Variants in SPATA6L observed in about 807,000 individuals in gnomAD.
SPATA6L encodes the protein spermatogenesis associated 6-like protein.
A neutral mutation model predicts 49.2 loss-of-function variants in SPATA6L; 68 were observed. The ratio of observed to expected loss-of-function variants is 1.38; its 90% CI spans 1.14 to 1.69. SPATA6L has a LOEUF of 1.69. Ranked by LOEUF, SPATA6L falls within the 40% of genes most tolerant of loss-of-function variation. The pLI, the probability that SPATA6L is intolerant of heterozygous loss-of-function variation, is 0.00. For synonymous variants in SPATA6L, 198 were observed against 165.7 expected (o/e 1.19, Z -1.50); for missense variants, 668 against 464.3 (o/e 1.44, Z -4.03).
intron 9 of SPATA6L, among the ~76,000 whole-genome samples, chr9:4,611,092 A>G (rs1041856236): frequency 2.0e-5 from 3 of 149,708 alleles, no homozygotes; most frequent in Non-Finnish European, 4.4e-5. Flanking sequence ...TCAAAACCAC[A>G]TTGAGATACC....
At chr9:4,606,370 A>ACTGGCCGGGCGCGGTGGCTCACGCCT (rs1825046404) in intron 9 of SPATA6L, among the ~76,000 whole-genome samples, 1 of 132,428 alleles carries the variant, frequency 7.6e-6, no homozygotes, top group African/African-American at 3.1e-5. Flanking sequence ...AAAAGACAGC[A>ACTGGCCGGGCGCGGTGGCTCACGCCT]GTAACCTCTG....
intron 13 of SPATA6L, among the ~76,000 whole-genome samples, chr9:4,592,641 G>T (rs545210722): frequency 3.3e-4 from 50 of 152,196 alleles, no homozygotes; most frequent in Non-Finnish European, 6.3e-4. Context: ...CAAGTCTGGG[G>T]TGATCTAAAA....
At chr9:4,653,378 G>T (rs543083911) in intron 3 of SPATA6L, among the ~76,000 whole-genome samples, 2 of 152,324 alleles carry the variant, frequency 1.3e-5, no homozygotes, top group Admixed American at 1.3e-4. Context: ...TCATCTAGAT[G>T]TAAGAGCCAA....
At chr9:4,655,971 CAG>C (rs1838064163) in intron 3 of SPATA6L, 68 bp downstream of exon 3, 1 of 1,168,656 alleles carries the variant, frequency 8.6e-7, no homozygotes, top group African/African-American at 1.5e-5. Context: ...TAGAAAAGAG[CAG>C]AGTTTTGAAT....
In SPATA6L at chr9:4,632,668, A is replaced by C. The variant is rs539962565; in HGVS notation, c.351+2607T>G. On this transcript the variant is annotated intron_variant, in intron 4 of 11. Coordinates refer to ENST00000682582, the MANE Select transcript of SPATA6L (RefSeq NM_001353486.2). ...TTTGAGGATTTGCAATGTGTCTAGC[A>C]CCTAGATTACAGCCAGGGACATTGG... 1.1e-4 allele frequency among the ~76,000 whole-genome samples: 16 copies of C among 152,242 alleles called. No individual in the cohort carries two copies. The East Asian group carries it at 3.1e-3, about 29-fold the overall frequency.
At chr9:4,605,869 CG>C (rs758048827) in intron 9 of SPATA6L, among the ~76,000 whole-genome samples, 97 of 152,302 alleles carry the variant, frequency 6.4e-4, no homozygotes, top group Admixed American at 2.2e-3. Context: ...ACGCAGAGGA[CG>C]GGTGATTTCT....
intron 13 of SPATA6L, among the ~76,000 whole-genome samples, chr9:4,592,314 C>A (rs1041102399): frequency 3.4e-3 from 387 of 113,942 alleles, no homozygotes; most frequent in East Asian, 7.5e-3. Context: ...GACTCCATCT[C>A]AAAAAAAAAA....
rs1830183786 is a variant in SPATA6L, at chr9:4,625,539, A to G, written c.457T>C (p.Leu153=). ...LEERHESRRP[L]STSHEPIFPL... is the part of the protein sequence containing the mutation. ...AATATTGGTTCATGTGATGTAGATAAAGGCCTCCGTGACTCATGTCTTTCT... is the reference window on the plus strand; with the variant it reads ...AATATTGGTTCATGTGATGTAGATAGAGGCCTCCGTGACTCATGTCTTTCT... The change falls in exon 6 of 12, where the codon TTA becomes CTA. Residue 153 remains leucine, a synonymous_variant. Coordinates refer to ENST00000682582, the MANE Select transcript of SPATA6L (RefSeq NM_001353486.2). 6.3e-7 allele frequency: 1 copy of G among 1,595,284 alleles called. No homozygotes were observed. Among genetic ancestry groups the G allele is most frequent in the African/African-American group, 1.3e-5 (1 of 74,320 alleles).
intron 4 of SPATA6L, chr9:4,633,795 C>A (rs1178321114): frequency 6.6e-6 from 1 of 152,204 alleles, no homozygotes; most frequent in African/African-American, 2.4e-5. Context: ...CAAATAAGAT[C>A]AGATCCCACC....
chr9:4,646,580 T>C lies in SPATA6L; in HGVS notation c.226+9461A>G, dbSNP rs1030285689. ...TACTTCCAAAAATTGCCACAGTCTTTCAATAATTATTAAGTTTTAAACTGT... is the reference window on the plus strand; with the variant it reads ...TACTTCCAAAAATTGCCACAGTCTTCCAATAATTATTAAGTTTTAAACTGT... On this transcript the variant is annotated intron_variant, in intron 3 of 11. Coordinates refer to ENST00000682582, the MANE Select transcript of SPATA6L (RefSeq NM_001353486.2). 4 of 1,115,100 alleles carry C rather than the reference T, an allele frequency of 3.6e-6. No homozygotes were observed. In the African/African-American group the frequency reaches 6.4e-5, roughly 18 times the overall value. The allele number at this position is 1,115,100 out of a possible 1,614,324, so 69.1% of individuals were successfully genotyped here.
At chr9:4,646,590 TTAAG>T (rs1320389518) in intron 3 of SPATA6L, 20 of 1,036,974 alleles carry the variant, frequency 1.9e-5, no homozygotes, top group Admixed American at 5.8e-5. Flanking sequence ...TCAATAATTA[TTAAG>T]TTTTAAACTG....
chr9:4,607,121 C>A (rs1825459366), intron 9 of SPATA6L, among the ~76,000 whole-genome samples: 2 of 151,918 alleles, frequency 1.3e-5, no homozygotes, highest in South Asian at 2.1e-4. Flanking sequence ...ATGAGCAAAG[C>A]CTCCAAGAAA....
At chr9:4,612,720 G>A (rs891994574) in intron 9 of SPATA6L, among the ~76,000 whole-genome samples, 12 of 152,176 alleles carry the variant, frequency 7.9e-5, no homozygotes, top group Admixed American at 7.2e-4. Flanking sequence ...GGCAGAGTAG[G>A]AACTGAATAG....
Position 4,618,938 on chromosome 9 carries a change from T to C in SPATA6L, c.773-40A>G, listed in dbSNP as rs182315157. The C allele has an allele frequency of 5.4e-5, 87 of 1,598,118 alleles. 1 individual carries two copies. The African/African-American group carries it at 1.0e-3, about 19-fold the overall frequency. ...AACAGGCATTTCAATGACTCATTAT[T>C]ACCATTTAGCCTTAAAACTGCCATT... On this transcript the variant is annotated intron_variant, in intron 7 of 11. Coordinates refer to ENST00000682582, the MANE Select transcript of SPATA6L (RefSeq NM_001353486.2).
downstream of SPATA6L, among the ~76,000 whole-genome samples, chr9:4,597,918 A>G (rs901632910): frequency 1.3e-5 from 2 of 152,230 alleles, no homozygotes; most frequent in Non-Finnish European, 2.9e-5. Context: ...GGACCAACTC[A>G]GGGGAGTACT....
At chr9:4,645,046 T>A (rs777814321) in intron 3 of SPATA6L, among the ~76,000 whole-genome samples, 9 of 152,230 alleles carry the variant, frequency 5.9e-5, no homozygotes, top group Non-Finnish European at 1.0e-4. Flanking sequence ...AGTATGGCTA[T>A]GTTCAAAAAA....
In SPATA6L at chr9:4,661,882, G is replaced by C. The variant is rs981772255; in HGVS notation, c.177+17C>G. ...TTATCTTCAGACAACAAAAGCCAAT[G>C]AGAAAGTCAAGATCACCTTTTCAAA... On this transcript the variant is annotated intron_variant, in intron 2 of 11. Coordinates refer to ENST00000682582, the MANE Select transcript of SPATA6L (RefSeq NM_001353486.2). 2 of 1,612,500 alleles carry C rather than the reference G, an allele frequency of 1.2e-6. No homozygotes were observed. Among genetic ancestry groups the C allele is most frequent in the Admixed American group, 1.7e-5 (1 of 59,952 alleles).
chr9:4,657,844 T>C (rs1391334480), intron 2 of SPATA6L, among the ~76,000 whole-genome samples: 1 of 152,216 alleles, frequency 6.6e-6, no homozygotes, highest in African/African-American at 2.4e-5. Context: ...GGTTCATTGG[T>C]GGCATCTGTT....
At chr9:4,596,875 C>T (rs545038009), downstream of SPATA6L, among the ~76,000 whole-genome samples, 9 of 152,228 alleles carry the variant, frequency 5.9e-5, no homozygotes, top group East Asian at 1.9e-4. Context: ...CTGGCTCTGA[C>T]GCTTGCTTTT....
Sources: gnomAD v4.1 joint callset for allele counts (sites outside exome capture counted in the v4.1 genomes callset) on GRCh38, gnomAD v4.1.1 for gene constraint, MANE v1.5 for transcripts, NCBI Gene and HGNC (gene_info 2026-07-23, HGNC 2026-07-21) for gene names.